Variants in BCAT2 observed in about 807,000 individuals in gnomAD.
BCAT2 encodes branched chain amino acid transaminase 2, also known as branched-chain-amino-acid aminotransferase, mitochondrial.
Under a neutral mutation model 52.9 loss-of-function variants are expected in BCAT2, and 44 were observed. That is an observed-to-expected ratio of 0.83 (90% confidence interval 0.65 to 1.07). The LOEUF is 1.07. Among genes scored for constraint, BCAT2 ranks in the 50% least tolerant of loss-of-function variants. BCAT2 has a pLI of 0.00. For synonymous variants in BCAT2, 215 were observed against 217.1 expected (o/e 0.99, Z 0.08); for missense variants, 478 against 521.8 (o/e 0.92, Z 0.82).
At chr19:48,797,756 T>C (rs369487979) in intron 6 of BCAT2, among the ~76,000 whole-genome samples, 173 of 150,120 alleles carry the variant, frequency 1.2e-3, no homozygotes, top group African/African-American at 4.2e-3. Flanking sequence ...CCCTCACCCA[T>C]TTCATACTGA....
intron 6 of BCAT2, chr19:48,798,789 T>TA (rs1199849705): frequency 3.2e-5 from 3 of 94,624 alleles, no homozygotes; most frequent in East Asian, 2.5e-4. Flanking sequence ...CAAGCCCGGC[T>TA]AATTTTTTTT....
Position 48,806,714 on chromosome 19 carries a change from C to A in BCAT2, c.103G>T (p.Ala35Ser). 5.0e-6 allele frequency: 8 copies of A among 1,612,882 alleles called. No homozygotes were observed. The highest frequency in any genetic ancestry group is 6.8e-6 in the Non-Finnish European group (8 of 1,180,022). ...RRYASSSFKA[A>S]DLQLEMTQKP... Reference sequence around the variant, plus strand: ...TGTGTCATTTCCAGCTGCAGGTCTGCAGCCTGAGGAAAGACAGGGGTATCC... The same window carrying A: ...TGTGTCATTTCCAGCTGCAGGTCTGAAGCCTGAGGAAAGACAGGGGTATCC... Residue 35 changes from alanine (A) to serine (S), a missense_variant, in exon 3 of 11, where the codon GCA becomes TCA. Physicochemically the swap from Ala to Ser is moderately conservative, Grantham distance 99 (BLOSUM62 1). Coordinates refer to ENST00000316273, the MANE Select transcript of BCAT2 (RefSeq NM_001190.4).
intron 1 of BCAT2, chr19:48,808,250 T>C (rs2034837001): frequency 3.0e-6 from 3 of 985,126 alleles, no homozygotes; most frequent in Non-Finnish European, 3.6e-6. Flanking sequence ...CCCAGAGGGA[T>C]AGGACACCCA....
intron 10 of BCAT2, 56 bp from the exon 11 acceptor site, chr19:48,795,520 G>T (rs1433153777): frequency 5.6e-6 from 9 of 1,600,088 alleles, no homozygotes; most frequent in Admixed American, 3.4e-5. Flanking sequence ...ACTCCCAGTA[G>T]GCCCTGGGGT....
At chr19:48,795,880 TA>T (rs2034497996) in intron 10 of BCAT2, 1 of 276,080 alleles carries the variant, frequency 3.6e-6, no homozygotes. Context: ...TTTATGGGAT[TA>T]AACAGTCTGG....
chr19:48,797,102 T>C, intron 7 of BCAT2, 80 bp from the exon 8 acceptor site: 1 of 1,606,480 alleles, frequency 6.2e-7, no homozygotes, highest in South Asian at 1.1e-5. Context: ...CCTTCCCCCA[T>C]CCCAGAATCC....
intron 3 of BCAT2, among the ~76,000 whole-genome samples, chr19:48,803,930 C>G (rs1014844437): frequency 6.6e-6 from 1 of 151,956 alleles, no homozygotes; most frequent in East Asian, 1.9e-4. Context: ...GAGGATGAGG[C>G]GGTGGATCAT....
chr19:48,801,675 C>T (rs1372152599), intron 3 of BCAT2, among the ~76,000 whole-genome samples: 1 of 152,098 alleles, frequency 6.6e-6, no homozygotes, highest in Non-Finnish European at 1.5e-5. Context: ...TGGAGTCTCA[C>T]TCTGTTGCCC....
rs150595546 is a variant in BCAT2, at chr19:48,803,516, A to G, written c.300+3001T>C. On this transcript the variant is annotated intron_variant, in intron 3 of 10. Transcript: ENST00000316273. ...GCACTCCAGCCTGGGCTACAGAGCA[A>G]GACCCTTTCTCAAAAAAAGAGTCAT... is the stretch of plus-strand genomic sequence containing the variant. Among the ~76,000 whole-genome samples the G allele has an allele frequency of 6.6e-3, 1,006 of 151,818 alleles. 8 individuals are homozygous for G. Among genetic ancestry groups the G allele is most frequent in the African/African-American group, 0.023 (931 of 41,350 alleles).
chr19:48,797,903 G>A (rs898462206), intron 6 of BCAT2, among the ~76,000 whole-genome samples: 5 of 150,248 alleles, frequency 3.3e-5, no homozygotes, highest in African/African-American at 1.2e-4. Context: ...TGCAACCTCC[G>A]CCTCTCGGGT....
intron 3 of BCAT2, among the ~76,000 whole-genome samples, chr19:48,806,188 C>T (rs945025092): frequency 1.3e-5 from 2 of 148,464 alleles, no homozygotes; most frequent in Non-Finnish European, 3.0e-5. Context: ...CTAAGCTTCC[C>T]TCTATGCCAG....
intron 3 of BCAT2, among the ~76,000 whole-genome samples, chr19:48,802,217 G>T (rs1207621869): frequency 6.6e-6 from 1 of 151,994 alleles, no homozygotes; most frequent in Non-Finnish European, 1.5e-5. Flanking sequence ...AAAACCACAT[G>T]GGAGATTGGA....
chr19:48,807,701 C>A lies in BCAT2; in HGVS notation c.25-627G>T. 1.0e-6 allele frequency: 1 copy of A among 986,618 alleles called. No homozygotes were observed. Among genetic ancestry groups the A allele is most frequent in the Non-Finnish European group, 1.2e-6 (1 of 829,834 alleles). 61.1% of individuals were successfully genotyped at this position (986,618 alleles called of 1,614,324 possible). A position where few individuals can be genotyped will look rare whatever the true frequency, so the allele number is the denominator to read the frequency against. ...TCCCCAGCCCCTCCTCCGCCAGACC[C>A]AGGAGTACAGGTGCTTATTCTCTGA... On this transcript the variant is annotated intron_variant, in intron 1 of 10. Transcript: ENST00000316273. The surrounding 1 kb of genome is among the most constrained non-coding windows in gnomAD (Gnocchi z 4.6).
chr19:48,795,644 A>G (rs940551393), intron 10 of BCAT2, among the ~76,000 whole-genome samples, 180 bp from the exon 11 acceptor site: 5 of 152,150 alleles, frequency 3.3e-5, no homozygotes, highest in African/African-American at 1.2e-4. Context: ...AAGGCGGCGC[A>G]GAGGCTTCCG....
intron 8 of BCAT2, 53 bp downstream of exon 8, chr19:48,796,884 T>C: frequency 6.2e-7 from 1 of 1,606,326 alleles, no homozygotes; most frequent in Non-Finnish European, 8.5e-7. Flanking sequence ...AGCCCTCTGA[T>C]GCCCTGGCCC....
intron 3 of BCAT2, among the ~76,000 whole-genome samples, chr19:48,803,443 G>A (rs1163735613): frequency 5.9e-5 from 9 of 151,718 alleles, no homozygotes; most frequent in South Asian, 2.1e-4. Flanking sequence ...CAGGTGGATC[G>A]CTGGAGCCTG....
chr19:48,795,446 C>T lies in BCAT2; in HGVS notation c.1159G>A (p.Glu387Lys), dbSNP rs779213899. 2 of 1,614,018 alleles carry T rather than the reference C, an allele frequency of 1.2e-6. No individual in the cohort carries two copies. Among genetic ancestry groups the T allele is most frequent in the South Asian group, 1.1e-5 (1 of 91,074 alleles). The change falls in exon 11 of 11, where the codon GAG (glutamate) becomes AAG (lysine). Residue 387 changes from glutamate to lysine, a missense_variant. By Grantham distance (56) the Glu-to-Lys change is moderately conservative. Transcript: ENST00000316273. The stretch of plus-strand genomic sequence containing the variant: ...CAGCTTCACACCGGGAACATCCACT[C>T]GTGGGCTCTGATTCCGTACTGCGGA... Reference protein sequence around the residue: ...KEIQYGIRAHEWMFPV With the variant: ...KEIQYGIRAHKWMFPV
chr19:48,804,431 C>T (rs2034719534), intron 3 of BCAT2, among the ~76,000 whole-genome samples: 1 of 151,966 alleles, frequency 6.6e-6, no homozygotes, highest in South Asian at 2.1e-4. Context: ...GTAATCCCAG[C>T]TACTGGGGAG....
rs2034473124 is a variant in BCAT2, at chr19:48,795,239, G to A, written c.*187C>T. The A allele has an allele frequency of 2.9e-6, 2 of 690,518 alleles. No individual in the cohort carries two copies. The highest frequency in any genetic ancestry group is 5.4e-5 in the East Asian group (2 of 36,800). The allele number at this position is 690,518 out of a possible 1,614,324, so 42.8% of individuals were successfully genotyped here. On this transcript the variant is annotated 3_prime_UTR_variant, in exon 11 of 11. Transcript: ENST00000316273. Reference sequence around the variant, plus strand: ...CTGAACCCGCGACGAGGGGCTGGGGGCCAAGATGCCTGGGTCGGCCCTTAC... The same window carrying A: ...CTGAACCCGCGACGAGGGGCTGGGGACCAAGATGCCTGGGTCGGCCCTTAC...
Sources: gnomAD v4.1 joint callset for allele counts (sites outside exome capture counted in the v4.1 genomes callset) on GRCh38, gnomAD v4.1.1 for gene constraint, Gnocchi (gnomAD v3.1) non-coding constraint, MANE v1.5 for transcripts, NCBI Gene and HGNC (gene_info 2026-07-23, HGNC 2026-07-21) for gene names.